Variants in NEUROG2 observed in about 807,000 individuals in gnomAD.
The protein encoded by NEUROG2 is neurogenin 2, also known as neurogenin-2.
A neutral mutation model predicts 2.8 loss-of-function variants in NEUROG2; 1 was observed. That is an observed-to-expected ratio of 0.36 (90% confidence interval 0.13 to 1.71). The LOEUF is 1.71. Ranked by LOEUF, NEUROG2 falls within the 40% of genes most tolerant of loss-of-function variation. The probability of loss-of-function intolerance (pLI) is 0.34; values close to 1 mark genes in which losing one functional copy is unlikely to be tolerated. For missense variants in NEUROG2, 397 were observed against 392.7 expected (o/e 1.01, Z -0.09); for synonymous variants, 211 against 187.7 (o/e 1.12, Z -1.01).
In NEUROG2 at chr4:112,513,699, T is replaced by A. The variant is rs961145215; in HGVS notation, c.*958A>T. The A allele has an allele frequency of 3.9e-5, 6 of 152,688 alleles. No homozygotes were observed. Among genetic ancestry groups the A allele is most frequent in the Non-Finnish European group, 1.5e-5 (1 of 68,042 alleles). The allele number at this position is 152,688 out of a possible 1,614,324, so 9.5% of individuals were successfully genotyped here. ...TGTGGCTGATCCGGATAATGCTCCG[T>A]GTCTGCTTAGGTTTTCAGACTGTTG... On this transcript the variant is annotated 3_prime_UTR_variant, in exon 2 of 2. Transcript: ENST00000313341.
Position 112,514,819 on chromosome 4 carries a change from G to A in NEUROG2, c.657C>T (p.Ser219=). 2 of 1,579,270 alleles carry A rather than the reference G, an allele frequency of 1.3e-6. No individual in the cohort carries two copies. Among genetic ancestry groups the A allele is most frequent in the Middle Eastern group, 1.7e-4 (1 of 5,754 alleles). ...SPASTWSCTN[S]PAPSSSVSSN... ...AGGACACGGAGGAGGACGGCGCGGG[G>A]CTGTTGGTGCAACTCCACGTGGAGG... The change falls in exon 2 of 2, where the codon AGC becomes AGT. Residue 219 remains serine, a synonymous_variant. Coordinates refer to ENST00000313341, the MANE Select transcript of NEUROG2 (RefSeq NM_024019.4).
chr4:112,514,384 T>C lies in NEUROG2; in HGVS notation c.*273A>G. 1 of 373,946 alleles carries C rather than the reference T, an allele frequency of 2.7e-6. No homozygotes were observed. Among genetic ancestry groups the C allele is most frequent in the Non-Finnish European group, 4.7e-6 (1 of 211,682 alleles). The allele number at this position is 373,946 out of a possible 1,614,324, so 23.2% of individuals were successfully genotyped here. On this transcript the variant is annotated 3_prime_UTR_variant, in exon 2 of 2. Coordinates refer to ENST00000313341, the MANE Select transcript of NEUROG2 (RefSeq NM_024019.4). The stretch of plus-strand genomic sequence containing the variant: ...CCACCATCATCTCTTCCCAGGGTCT[T>C]TTTCGTCTCAAGAAGCGCCCCCAAA...
rs776442811 is a variant in NEUROG2 at position 112,514,635 on chromosome 4, G to A, written c.*22C>T. 141 of 1,489,898 alleles carry A rather than the reference G, an allele frequency of 9.5e-5. No homozygotes were observed. Among genetic ancestry groups the A allele is most frequent in the Non-Finnish European group, 1.3e-4 (141 of 1,121,918 alleles). The allele number at this position is 1,489,898 out of a possible 1,614,324, so 92.3% of individuals were successfully genotyped here. ...GAAAGGGAACCCACTAAGGCCTGGC[G>A]TGGGTAGCAGAAATGGCAGCTCTAG... On this transcript the variant is annotated 3_prime_UTR_variant, in exon 2 of 2. Coordinates refer to ENST00000313341, the MANE Select transcript of NEUROG2 (RefSeq NM_024019.4).
At position 112,514,600 on chromosome 4, in the gene NEUROG2, C is replaced by T; in HGVS notation, c.*57G>A. ...GGCAGGGGAAGGGAGGAGGGCTCGA[C>T]TGGGGACAGGAAAGGGAACCCACTA... On this transcript the variant is annotated 3_prime_UTR_variant, in exon 2 of 2. Transcript: ENST00000313341. The T allele has an allele frequency of 7.1e-7, 1 of 1,408,336 alleles. No individual in the cohort carries two copies. The highest frequency in any genetic ancestry group is 1.9e-4 in the Middle Eastern group (1 of 5,258). The allele number at this position is 1,408,336 out of a possible 1,614,324, so 87.2% of individuals were successfully genotyped here. A position where few individuals can be genotyped will look rare whatever the true frequency, so the allele number is the denominator to read the frequency against.
At chr4:112,515,789 T>C (rs1736432065) in intron 1 of NEUROG2, 58 bp downstream of exon 1, 1 of 215,976 alleles carries the variant, frequency 4.6e-6, no homozygotes, top group Non-Finnish European at 9.1e-6. Context: ...GCGGGTGTGG[T>C]TGGACTGAGT....
Position 112,513,669 on chromosome 4 carries a change from A to G in NEUROG2, c.*988T>C, listed in dbSNP as rs984043415. The G allele has an allele frequency of 2.0e-5, 3 of 152,670 alleles. No individual in the cohort carries two copies. The highest frequency in any genetic ancestry group is 7.2e-5 in the African/African-American group (3 of 41,474). The allele number at this position is 152,670 out of a possible 1,614,324, so 9.5% of individuals were successfully genotyped here. The stretch of plus-strand genomic sequence containing the variant: ...TTCTTTATAATAAATAGAAGGGAAC[A>G]CGTGTGTGGCTGATCCGGATAATGC... On this transcript the variant is annotated 3_prime_UTR_variant, in exon 2 of 2. Coordinates refer to ENST00000313341, the MANE Select transcript of NEUROG2 (RefSeq NM_024019.4).
At position 112,514,693 on chromosome 4, in the gene NEUROG2, A is replaced by C. The variant is rs749807555; in HGVS notation, c.783T>G (p.Tyr261Ter). The change falls in exon 2 of 2, where the codon TAT (tyrosine) becomes TAG (stop). Residue 261 changes from tyrosine (Y) to a stop codon, truncating the protein, a stop_gained. Transcript: ENST00000313341. LOFTEE classifies it high-confidence loss of function. ...WQPPPPDKHR[Y>*]APHLPIARDC... is the part of the protein sequence containing the mutation. The stretch of plus-strand genomic sequence containing the variant: ...CCCTGGCTATGGGGAGGTGAGGTGC[A>C]TAGCGGTGCTTGTCGGGAGGTGGGG... 5.3e-6 allele frequency: 8 copies of C among 1,517,810 alleles called. No individual in the cohort carries two copies. The highest frequency in any genetic ancestry group is 6.2e-6 in the Non-Finnish European group (7 of 1,135,780). The allele number at this position is 1,517,810 out of a possible 1,614,324, so 94.0% of individuals were successfully genotyped here.
In NEUROG2 at chr4:112,515,393, G is replaced by T; in HGVS notation, c.83C>A (p.Ala28Glu). The T allele has an allele frequency of 6.6e-7, 1 of 1,523,408 alleles. No individual in the cohort carries two copies. The highest frequency in any genetic ancestry group is 8.7e-7 in the Non-Finnish European group (1 of 1,146,080). The allele number at this position is 1,523,408 out of a possible 1,614,324, so 94.4% of individuals were successfully genotyped here. Reference protein sequence around the residue: ...VLLGSASPALAALTPLSSSAD... With the variant: ...VLLGSASPALEALTPLSSSAD... Reference sequence around the variant, plus strand: ...GCTGGATGACAGCGGGGTCAGGGCCGCCAAGGCGGGGGAGGCCGATCCGAG... The same window carrying T: ...GCTGGATGACAGCGGGGTCAGGGCCTCCAAGGCGGGGGAGGCCGATCCGAG... Residue 28 changes from alanine (A) to glutamate (E), a missense_variant, in exon 2 of 2, where the codon GCG becomes GAG. Coordinates refer to ENST00000313341, the MANE Select transcript of NEUROG2 (RefSeq NM_024019.4).
rs892897447 is a variant in NEUROG2 at position 112,514,847 on chromosome 4, G to A, written c.629C>T (p.Pro210Leu). ...ALSSSGDSPS[P>L]ASTWSCTNSP... ...GTTGGTGCAACTCCACGTGGAGGCG[G>A]GCGAGGGGCTGTCTCCGCTGCTGCT... The change falls in exon 2 of 2, where the codon CCC (proline) becomes CTC (leucine). Residue 210 changes from proline to leucine, a missense_variant. Transcript: ENST00000313341. 97 of 1,593,014 alleles carry A rather than the reference G, an allele frequency of 6.1e-5. No homozygotes were observed. Among genetic ancestry groups the A allele is most frequent in the Non-Finnish European group, 7.8e-5 (92 of 1,173,172 alleles).
At chr4:112,515,534 C>G (rs970848698) in intron 1 of NEUROG2, 58 bp from the exon 2 acceptor site, 1 of 1,421,094 alleles carries the variant, frequency 7.0e-7, no homozygotes, top group African/African-American at 1.5e-5. Flanking sequence ...AACAGAGGCG[C>G]GATCTTCGTG....
chr4:112,515,566 C>A, intron 1 of NEUROG2, 90 bp from the exon 2 acceptor site: 2 of 1,183,440 alleles, frequency 1.7e-6, no homozygotes, highest in South Asian at 1.8e-5. Context: ...TGCTCCGGCG[C>A]GCACCCGAGA....
In NEUROG2 at chr4:112,514,938, C is replaced by T. The variant is rs1469751978; in HGVS notation, c.538G>A (p.Gly180Ser). ...LADHCGGGGG[G>S]LPGALFSEAV... ...TCGGAGAAGAGCGCCCCCGGCAGGC[C>T]CCCGCCGCCGCCCCCGCAGTGATCC... The change falls in exon 2 of 2, where the codon GGC becomes AGC. Residue 180 changes from glycine to serine, a missense_variant. Transcript: ENST00000313341. 2 of 1,610,258 alleles carry T rather than the reference C, an allele frequency of 1.2e-6. No homozygotes were observed. The highest frequency in any genetic ancestry group is 1.1e-5 in the South Asian group (1 of 90,548).
chr4:112,514,354 A>C lies in NEUROG2; in HGVS notation c.*303T>G. The C allele has an allele frequency of 6.0e-6, 2 of 332,478 alleles. No homozygotes were observed. Among genetic ancestry groups the C allele is most frequent in the Middle Eastern group, 7.7e-4 (1 of 1,298 alleles). 20.6% of individuals were successfully genotyped at this position (332,478 alleles called of 1,614,324 possible). ...TCAGTCCGCTCTGCAAACTCTTTAGATATGCCACCATCATCTCTTCCCAGG... is the reference window on the plus strand; with the variant it reads ...TCAGTCCGCTCTGCAAACTCTTTAGCTATGCCACCATCATCTCTTCCCAGG... On this transcript the variant is annotated 3_prime_UTR_variant, in exon 2 of 2. Coordinates refer to ENST00000313341, the MANE Select transcript of NEUROG2 (RefSeq NM_024019.4).
rs1431383604 is a variant in NEUROG2 at position 112,514,627 on chromosome 4, G to C, written c.*30C>G. Reference sequence around the variant, plus strand: ...GGGGACAGGAAAGGGAACCCACTAAGGCCTGGCGTGGGTAGCAGAAATGGC... The same window carrying C: ...GGGGACAGGAAAGGGAACCCACTAACGCCTGGCGTGGGTAGCAGAAATGGC... On this transcript the variant is annotated 3_prime_UTR_variant, in exon 2 of 2. Transcript: ENST00000313341. 1 of 1,481,298 alleles carries C rather than the reference G, an allele frequency of 6.8e-7. No individual in the cohort carries two copies. The highest frequency in any genetic ancestry group is 9.0e-7 in the Non-Finnish European group (1 of 1,115,364). The allele number at this position is 1,481,298 out of a possible 1,614,324, so 91.8% of individuals were successfully genotyped here.
At position 112,515,358 on chromosome 4, in the gene NEUROG2, C is replaced by T. The variant is rs747529446; in HGVS notation, c.118G>A (p.Glu40Lys). ...LTPLSSSADE[E>K]EEEEPGASGG... ...GACGCGCCCGGCTCCTCCTCCTCTT[C>T]TTCGTCGGCGCTGGATGACAGCGGG... Residue 40 changes from glutamate (E) to lysine (K), a missense_variant, in exon 2 of 2, where the codon GAA (glutamate) becomes AAA (lysine). By Grantham distance (56) the Glu-to-Lys change is moderately conservative. Transcript: ENST00000313341. 1.3e-5 allele frequency: 20 copies of T among 1,494,388 alleles called. No individual in the cohort carries two copies. The highest frequency in any genetic ancestry group is 2.1e-5 in the Admixed American group (1 of 47,778). The allele number at this position is 1,494,388 out of a possible 1,614,324, so 92.6% of individuals were successfully genotyped here. A position where few individuals can be genotyped will look rare whatever the true frequency, so the allele number is the denominator to read the frequency against.
chr4:112,515,242 C>T lies in NEUROG2; in HGVS notation c.234G>A (p.Arg78=). ...TGCAATCGTGTACCAGACCCAGCAG[C>T]CGTGCGGGCCGGCAGCCCTCCGCAC... ...AAGAEGCRPA[R]LLGLVHDCKR... Residue 78 remains arginine (R), a synonymous_variant, in exon 2 of 2, where the codon CGG becomes CGA. Coordinates refer to ENST00000313341, the MANE Select transcript of NEUROG2 (RefSeq NM_024019.4). 6.3e-7 allele frequency: 1 copy of T among 1,589,648 alleles called. No individual in the cohort carries two copies.
Position 112,515,334 on chromosome 4 carries a change from A to T in NEUROG2, c.142T>A (p.Ser48Thr). The change falls in exon 2 of 2, where the codon TCA becomes ACA. Residue 48 changes from serine (S) to threonine (T), a missense_variant. Transcript: ENST00000313341. Reference sequence around the variant, plus strand: ...CCGCGCTGCCGACGCGCCCCGCCTGACGCGCCCGGCTCCTCCTCCTCTTCT... The same window carrying T: ...CCGCGCTGCCGACGCGCCCCGCCTGTCGCGCCCGGCTCCTCCTCCTCTTCT... ...DEEEEEEPGA[S>T]GGARRQRGAE... 1 of 1,436,410 alleles carries T rather than the reference A, an allele frequency of 7.0e-7. No individual in the cohort carries two copies. The allele number at this position is 1,436,410 out of a possible 1,614,324, so 89.0% of individuals were successfully genotyped here. A position where few individuals can be genotyped will look rare whatever the true frequency, so the allele number is the denominator to read the frequency against.
At position 112,514,447 on chromosome 4, in the gene NEUROG2, C is replaced by A. The variant is rs1736378146; in HGVS notation, c.*210G>T. On this transcript the variant is annotated 3_prime_UTR_variant, in exon 2 of 2. Coordinates refer to ENST00000313341, the MANE Select transcript of NEUROG2 (RefSeq NM_024019.4). ...GCTTTGACAATAAGCTCCATCACAC[C>A]TTCAGTAAATCAGAGCCCGTCTGAA... is the stretch of plus-strand genomic sequence containing the variant. 2.3e-6 allele frequency: 1 copy of A among 429,542 alleles called. No homozygotes were observed. The highest frequency in any genetic ancestry group is 2.0e-5 in the African/African-American group (1 of 48,960). The allele number at this position is 429,542 out of a possible 1,614,324, so 26.6% of individuals were successfully genotyped here.
intron 1 of NEUROG2, 116 bp from the exon 2 acceptor site, chr4:112,515,592 G>T (rs1325121664): frequency 3.5e-6 from 3 of 850,528 alleles, no homozygotes; most frequent in African/African-American, 3.5e-5. Flanking sequence ...AGCTCCGAAT[G>T]GCGCGGAGCA....
Sources: gnomAD v4.1 joint callset for allele counts on GRCh38, gnomAD v4.1.1 for gene constraint, MANE v1.5 for transcripts, NCBI Gene and HGNC (gene_info 2026-07-23, HGNC 2026-07-21) for gene names.